The following BRCA1 variants were observed in gnomAD, a reference collection of about 807,000 sequenced individuals.
The protein encoded by BRCA1 is BRCA1 DNA repair associated, also known as breast cancer type 1 susceptibility protein.
BRCA1 carries 140 observed loss-of-function variants against 173.7 expected under a neutral mutation model. The observed-to-expected ratio is 0.81, with a 90% CI of 0.70 to 0.93. BRCA1 has a LOEUF of 0.93. Among genes scored for constraint, BRCA1 ranks in the 40% least tolerant of loss-of-function variants. The probability of loss-of-function intolerance (pLI) is 0.00; values close to 1 mark genes in which losing one functional copy is unlikely to be tolerated. For missense variants in BRCA1, 1,983 were observed against 2,172.5 expected (o/e 0.91, Z 1.73); for synonymous variants, 662 against 756.0 (o/e 0.88, Z 2.04).
At chr17:43,125,669 T>A (rs978949850), upstream of BRCA1, 2 of 222,332 alleles carry the variant, frequency 9.0e-6, no homozygotes, top group South Asian at 5.6e-5. Context: ...ATCACAGTAA[T>A]TGCTGTACGA....
chr17:43,162,212 A>G (rs1424533379), intron 1 of BRCA1: 1 of 152,200 alleles, frequency 6.6e-6, no homozygotes, highest in Non-Finnish European at 1.5e-5. Context: ...TAAATGACAC[A>G]AGACCAGTAT....
At chr17:43,057,970 C>T (rs536835224) in intron 18 of BRCA1, among the ~76,000 whole-genome samples, 132 of 131,180 alleles carry the variant, frequency 1.0e-3, no homozygotes, top group African/African-American at 3.7e-3. Flanking sequence ...CTGTGAGCCA[C>T]GATCATGCCA....
intron 16 of BRCA1, among the ~76,000 whole-genome samples, chr17:43,066,259 T>C (rs569714478): frequency 1.3e-5 from 2 of 152,326 alleles, no homozygotes; most frequent in Non-Finnish European, 2.9e-5. Context: ...GAGAAAGGTA[T>C]AGGACAAATG....
chr17:43,076,694 T>C (rs2154076177), intron 12 of BRCA1, 80 bp from the exon 13 acceptor site: 7 of 1,540,082 alleles, frequency 4.5e-6, no homozygotes, highest in Non-Finnish European at 5.3e-6. Context: ...ACTGATTTTT[T>C]TCAAAAGCAT....
chr17:43,072,643 A>T (rs1023041436), intron 14 of BRCA1, among the ~76,000 whole-genome samples: 1 of 147,850 alleles, frequency 6.8e-6, no homozygotes, highest in Non-Finnish European at 1.5e-5. Flanking sequence ...CAGCTCACTG[A>T]AACCTCTGCC....
intron 16 of BRCA1, among the ~76,000 whole-genome samples, chr17:43,064,436 T>C (rs1356920473): frequency 6.6e-6 from 1 of 152,218 alleles, no homozygotes; most frequent in African/African-American, 2.4e-5. Flanking sequence ...CCTAACCCTC[T>C]AATATTCCCC....
At chr17:43,074,601 T>A in intron 13 of BRCA1, 80 bp from the exon 14 acceptor site, 3 of 1,265,148 alleles carry the variant, frequency 2.4e-6, no homozygotes, top group Non-Finnish European at 2.3e-6. Flanking sequence ...AGCCAAAGCA[T>A]AAATGAAACA....
intron 1 of BRCA1, among the ~76,000 whole-genome samples, chr17:43,139,442 C>T (rs1369593353): frequency 2.6e-5 from 4 of 151,914 alleles, no homozygotes; most frequent in Admixed American, 6.6e-5. Context: ...CTGCAACTTC[C>T]GCCTCCCAGG....
chr17:43,069,998 A>G (rs2153782669), intron 15 of BRCA1, among the ~76,000 whole-genome samples: 1 of 152,232 alleles, frequency 6.6e-6, no homozygotes, highest in East Asian at 1.9e-4. Context: ...CAATGGTGCA[A>G]TCTCGGCTCA....
chr17:43,139,060 A>G lies in BRCA1; in HGVS notation c.-19-14945T>C, dbSNP rs56728361. The G allele has an allele frequency of 7.7e-3, 5,281 of 689,454 alleles. 199 individuals are homozygous for G. In the African/African-American group the frequency reaches 0.084, roughly 11 times the overall value. The allele number at this position is 689,454 out of a possible 1,614,324, so 42.7% of individuals were successfully genotyped here. On this transcript the variant is annotated intron_variant, in intron 1 of 7. Transcript: ENST00000634433. ...TATCTAGAGTAATTTCTGTTTTCCT[A>G]TCTGGGGTAGTGTAACGTAAGAAGA...
At chr17:43,158,548 T>G (rs980419654) in intron 1 of BRCA1, among the ~76,000 whole-genome samples, 1 of 152,220 alleles carries the variant, frequency 6.6e-6, no homozygotes, top group Non-Finnish European at 1.5e-5. Flanking sequence ...ATTTACCCTT[T>G]TTTATTGTGG....
chr17:43,104,400 A>T (rs971546152), intron 5 of BRCA1, 139 bp from the exon 6 acceptor site: 119 of 1,008,970 alleles, frequency 1.2e-4, no homozygotes, highest in Non-Finnish European at 1.5e-4. Context: ...GATTTTTTTT[A>T]AAAATCAAAT....
Position 43,044,936 on chromosome 17 carries a change from T to C in BRCA1, c.*742A>G. On this transcript the variant is annotated 3_prime_UTR_variant, in exon 23 of 23. Coordinates refer to ENST00000357654, the MANE Select transcript of BRCA1 (RefSeq NM_007294.4). Reference sequence around the variant, plus strand: ...CTCCTGCCTTAGCCACCTGAGTAGCTGGGATTACAGGTGTCCACCACCATG... The same window carrying C: ...CTCCTGCCTTAGCCACCTGAGTAGCCGGGATTACAGGTGTCCACCACCATG... 1 of 475,560 alleles carries C rather than the reference T, an allele frequency of 2.1e-6. No homozygotes were observed. Among genetic ancestry groups the C allele is most frequent in the South Asian group, 1.6e-5 (1 of 62,082 alleles). The allele number at this position is 475,560 out of a possible 1,614,324, so 29.5% of individuals were successfully genotyped here. A position where few individuals can be genotyped will look rare whatever the true frequency, so the allele number is the denominator to read the frequency against.
chr17:43,048,675 T>C (rs905495640), intron 21 of BRCA1, among the ~76,000 whole-genome samples: 1 of 144,730 alleles, frequency 6.9e-6, no homozygotes, highest in Non-Finnish European at 1.5e-5. Flanking sequence ...CCACCAGGCC[T>C]GGCTACTTTT....
rs397509091 is a variant in BRCA1, at chr17:43,091,884, A to C, written c.3647T>G (p.Leu1216Ter). Reference sequence around the variant, plus strand: ...GGGAAGCTCTTCATCCTCACTAGATAAGTTCTCTTCTGAGGACTCTAATTT... The same window carrying C: ...GGGAAGCTCTTCATCCTCACTAGATCAGTTCTCTTCTGAGGACTCTAATTT... ...AKKLESSEEN[L>*]SSEDEELPCF... Residue 1216 changes from leucine to a stop codon, truncating the protein, a stop_gained, in exon 10 of 23, where the codon TTA becomes TGA. Transcript: ENST00000357654. LOFTEE classifies it high-confidence loss of function. The C allele has an allele frequency of 6.2e-7, 1 of 1,614,176 alleles. No homozygotes were observed. The highest frequency in any genetic ancestry group is 2.2e-5 in the East Asian group (1 of 44,886).
intron 14 of BRCA1, among the ~76,000 whole-genome samples, chr17:43,073,098 A>G (rs1014249901): frequency 5.3e-5 from 8 of 151,876 alleles, no homozygotes; most frequent in African/African-American, 1.9e-4. Flanking sequence ...TTGGGAGGCC[A>G]AGGTAGGAAG....
At chr17:43,158,789 A>G (rs2056213848) in intron 1 of BRCA1, among the ~76,000 whole-genome samples, 1 of 152,214 alleles carries the variant, frequency 6.6e-6, no homozygotes, top group East Asian at 1.9e-4. Context: ...ATTCTGTGGG[A>G]CTAGAGATAA....
intron 3 of BRCA1, among the ~76,000 whole-genome samples, chr17:43,106,930 A>G (rs2054817208): frequency 6.6e-6 from 1 of 152,226 alleles, no homozygotes; most frequent in African/African-American, 2.4e-5. Context: ...ACAAAGCTAT[A>G]GTAATCAAGA....
At position 43,094,505 on chromosome 17, in the gene BRCA1, C is replaced by T. The variant is rs1171571879; in HGVS notation, c.1026G>A (p.Leu342=). Residue 342 remains leucine (L), a synonymous_variant, in exon 10 of 23, where the codon CTG becomes CTA. Transcript: ENST00000357654. ...RTPSTEKKVD[L]NADPLCERKE... ...TTCTCTCACACAGGGGATCAGCATTCAGATCTACCTTTTTTTCTGTGCTGG... is the reference window on the plus strand; with the variant it reads ...TTCTCTCACACAGGGGATCAGCATTTAGATCTACCTTTTTTTCTGTGCTGG... 1 of 1,613,882 alleles carries T rather than the reference C, an allele frequency of 6.2e-7. No homozygotes were observed. Among genetic ancestry groups the T allele is most frequent in the African/African-American group, 1.3e-5 (1 of 74,926 alleles).
Sources: gnomAD v4.1 joint callset for allele counts (sites outside exome capture counted in the v4.1 genomes callset) on GRCh38, gnomAD v4.1.1 for gene constraint, MANE v1.5 for transcripts, NCBI Gene and HGNC (gene_info 2026-07-23, HGNC 2026-07-21) for gene names.